DLX4: variants seen among roughly 807,000 people sequenced by gnomAD.
DLX4 encodes distal-less homeobox 4, also known as homeobox protein DLX-4.
A neutral mutation model predicts 17.1 loss-of-function variants in DLX4; 13 were observed. The observed-to-expected ratio is 0.76, with a 90% CI of 0.49 to 1.21. The LOEUF (loss-of-function observed/expected upper bound fraction) is 1.21. Among genes scored for constraint, DLX4 ranks in the 50% most tolerant of loss-of-function variants. The pLI is 0.00. For synonymous variants in DLX4, 129 were observed against 140.3 expected, an observed-to-expected ratio of 0.92 and a Z score of 0.57; for missense variants, 297 against 301.4, an observed-to-expected ratio of 0.99 and a Z score of 0.11.
Position 49,972,680 on chromosome 17 carries a change from G to A in DLX4, c.284-393G>A. 8.5e-7 allele frequency: 1 copy of A among 1,172,798 alleles called. No homozygotes were observed. Among genetic ancestry groups the A allele is most frequent in the Non-Finnish European group, 1.1e-6 (1 of 935,098 alleles). 72.6% of individuals were successfully genotyped at this position (1,172,798 alleles called of 1,614,324 possible). A position where few individuals can be genotyped will look rare whatever the true frequency, so the allele number is the denominator to read the frequency against. On this transcript the variant is annotated intron_variant, in intron 1 of 2. Transcript: ENST00000240306. The surrounding 1 kb of genome is among the most constrained non-coding windows in gnomAD (Gnocchi z 5.4). Reference sequence around the variant, plus strand: ...AATGTCCTTCCTCTGTCATCTCTAGGCCTCGGCTCAGCCCTGGACCTAGCC... The same window carrying A: ...AATGTCCTTCCTCTGTCATCTCTAGACCTCGGCTCAGCCCTGGACCTAGCC...
rs1026152527 is a variant in DLX4, at chr17:49,972,874, C to T, written c.284-199C>T. ...GGAGCAGAACTGCGTCTTGTATCAC[C>T]TGGCGCGGTGAACGTGGGGGTTGAA... is the stretch of plus-strand genomic sequence containing the variant. On this transcript the variant is annotated intron_variant, in intron 1 of 2. Coordinates refer to ENST00000240306, the MANE Select transcript of DLX4 (RefSeq NM_138281.3). This position sits in a 1 kb window ranked among gnomAD's most constrained non-coding sequence, Gnocchi z 5.4. The T allele has an allele frequency of 6.9e-6, 10 of 1,446,928 alleles. No individual in the cohort carries two copies. Among genetic ancestry groups the T allele is most frequent in the Non-Finnish European group, 8.2e-6 (9 of 1,096,778 alleles). 89.6% of individuals were successfully genotyped at this position (1,446,928 alleles called of 1,614,324 possible).
chr17:49,973,521 C>A, intron 2 of DLX4, 180 bp from the exon 3 acceptor site: 1 of 988,928 alleles, frequency 1.0e-6, no homozygotes, highest in Non-Finnish European at 1.5e-6. Context: ...TGGATACTAG[C>A]TCAGAGGCAG....
rs1011311250 is a variant in DLX4, at chr17:49,974,953, C to T, written c.*1010C>T. The T allele has an allele frequency of 3.9e-5, 6 of 152,220 alleles. No homozygotes were observed. Among genetic ancestry groups the T allele is most frequent in the African/African-American group, 1.4e-4 (6 of 41,460 alleles). 9.4% of individuals were successfully genotyped at this position (152,220 alleles called of 1,614,324 possible). ...TCCAGAGATTAAAGTTTGTACAAAA[C>T]ATTGCATTCTGGCTGTGAGATGTGT... On this transcript the variant is annotated 3_prime_UTR_variant, in exon 3 of 3. Coordinates refer to ENST00000240306, the MANE Select transcript of DLX4 (RefSeq NM_138281.3).
At position 49,973,939 on chromosome 17, in the gene DLX4, T is replaced by C; in HGVS notation, c.719T>C (p.Met240Thr). The change falls in exon 3 of 3, where the codon ATG (methionine) becomes ACG (threonine). Residue 240 changes from methionine (M) to threonine (T), a missense_variant. Transcript: ENST00000240306. The stretch of plus-strand genomic sequence containing the variant: ...GATGTCCTGGCTTCGCCTCAGATGA[T>C]GTGAATCTGGGGAAGGGCGGGTCAG... ...SSDVLASPQM[M>T] is the part of the protein sequence containing the mutation. 6.2e-7 allele frequency: 1 copy of C among 1,601,608 alleles called. No individual in the cohort carries two copies. The highest frequency in any genetic ancestry group is 2.3e-5 in the East Asian group (1 of 44,084).
rs1905558081 is a variant in DLX4 at position 49,972,879 on chromosome 17, G to A, written c.284-194G>A. On this transcript the variant is annotated intron_variant, in intron 1 of 2. Transcript: ENST00000240306. The surrounding 1 kb of genome is among the most constrained non-coding windows in gnomAD (Gnocchi z 5.4). ...AGAACTGCGTCTTGTATCACCTGGC[G>A]CGGTGAACGTGGGGGTTGAAACGCT... The A allele has an allele frequency of 6.9e-6, 10 of 1,446,752 alleles. No individual in the cohort carries two copies. The East Asian group carries it at 2.5e-4, about 37-fold the overall frequency. 89.6% of individuals were successfully genotyped at this position (1,446,752 alleles called of 1,614,324 possible).
chr17:49,973,915 A>G lies in DLX4; in HGVS notation c.695A>G (p.Asp232Gly). Residue 232 changes from aspartate (D) to glycine (G), a missense_variant, in exon 3 of 3, where the codon GAT becomes GGT. Asp to Gly is a moderately conservative substitution (Grantham distance 94). Transcript: ENST00000240306. ...FGAWYQHHSS[D>G]VLASPQMM ...GCCTGGTATCAGCATCACTCCTCAGATGTCCTGGCTTCGCCTCAGATGATG... is the reference window on the plus strand; with the variant it reads ...GCCTGGTATCAGCATCACTCCTCAGGTGTCCTGGCTTCGCCTCAGATGATG... 2 of 1,610,274 alleles carry G rather than the reference A, an allele frequency of 1.2e-6. No individual in the cohort carries two copies. The highest frequency in any genetic ancestry group is 1.7e-6 in the Non-Finnish European group (2 of 1,178,292).
At position 49,973,813 on chromosome 17, in the gene DLX4, C is replaced by G. The variant is rs1375181217; in HGVS notation, c.593C>G (p.Ser198Cys). 1 of 1,606,810 alleles carries G rather than the reference C, an allele frequency of 6.2e-7. No individual in the cohort carries two copies. Among genetic ancestry groups the G allele is most frequent in the African/African-American group, 1.3e-5 (1 of 74,774 alleles). ...PGRTFSVSPC[S>C]PPLPSLWDLP... ...AGGACCTTCTCTGTGTCTCCCTGCT[C>G]CCCACCCCTCCCCTCCCTCTGGGAT... Residue 198 changes from serine (S) to cysteine (C), a missense_variant, in exon 3 of 3, where the codon TCC becomes TGC. Physicochemically the swap from Ser to Cys is moderately radical, Grantham distance 112. Transcript: ENST00000240306.
At chr17:49,970,303 C>G (rs1361090822) in intron 1 of DLX4, among the ~76,000 whole-genome samples, 2 of 152,230 alleles carry the variant, frequency 1.3e-5, no homozygotes, top group South Asian at 4.1e-4. Context: ...CTCCTCAGAC[C>G]AGGCCTGACC....
chr17:49,971,963 C>G (rs1056718925), intron 1 of DLX4: 1 of 152,222 alleles, frequency 6.6e-6, no homozygotes, highest in African/African-American at 2.4e-5. Context: ...CGCGGGCGGA[C>G]AGAAGCCGCT....
chr17:49,972,908 C>T lies in DLX4; in HGVS notation c.284-165C>T. 2.1e-6 allele frequency: 3 copies of T among 1,455,888 alleles called. No individual in the cohort carries two copies. Among genetic ancestry groups the T allele is most frequent in the Non-Finnish European group, 2.7e-6 (3 of 1,101,052 alleles). 90.2% of individuals were successfully genotyped at this position (1,455,888 alleles called of 1,614,324 possible). A position where few individuals can be genotyped will look rare whatever the true frequency, so the allele number is the denominator to read the frequency against. On this transcript the variant is annotated intron_variant, in intron 1 of 2. Coordinates refer to ENST00000240306, the MANE Select transcript of DLX4 (RefSeq NM_138281.3). This position sits in a 1 kb window ranked among gnomAD's most constrained non-coding sequence, Gnocchi z 5.4. ...TGAACGTGGGGGTTGAAACGCTCCA[C>T]GCGGAAGGTAGAGGGCAGGGGCCAA...
chr17:49,971,235 A>G (rs1054743139), intron 1 of DLX4, among the ~76,000 whole-genome samples: 3 of 151,984 alleles, frequency 2.0e-5, no homozygotes, highest in Non-Finnish European at 2.9e-5. Context: ...TTCTTTAAGG[A>G]CTTTCCCCCA....
intron 2 of DLX4, chr17:49,973,492 T>C (rs753166489): frequency 3.4e-5 from 32 of 950,866 alleles, no homozygotes; most frequent in African/African-American, 4.9e-5. Flanking sequence ...AAGAGGAGGG[T>C]AGGTCAGACA....
chr17:49,974,793 C>T lies in DLX4; in HGVS notation c.*850C>T, dbSNP rs1246888278. 6.6e-6 allele frequency: 1 copy of T among 152,160 alleles called. No individual in the cohort carries two copies. Among genetic ancestry groups the T allele is most frequent in the Admixed American group, 6.6e-5 (1 of 15,264 alleles). 9.4% of individuals were successfully genotyped at this position (152,160 alleles called of 1,614,324 possible). A position where few individuals can be genotyped will look rare whatever the true frequency, so the allele number is the denominator to read the frequency against. The stretch of plus-strand genomic sequence containing the variant: ...AGGGGGAAATGGGGACAAACTGGCT[C>T]TCTGGATTAGTGCGGGTATAGACAC... On this transcript the variant is annotated 3_prime_UTR_variant, in exon 3 of 3. Transcript: ENST00000240306.
At chr17:49,971,235 A>T (rs1054743139) in intron 1 of DLX4, among the ~76,000 whole-genome samples, 1 of 151,984 alleles carries the variant, frequency 6.6e-6, no homozygotes, top group African/African-American at 2.4e-5. Flanking sequence ...TTCTTTAAGG[A>T]CTTTCCCCCA....
At position 49,974,508 on chromosome 17, in the gene DLX4, C is replaced by G. The variant is rs1460865411; in HGVS notation, c.*565C>G. Reference sequence around the variant, plus strand: ...GTTACCCCCATAACTGATTTACCTACTTACCATACTGGGAGGTAGAAGAGA... The same window carrying G: ...GTTACCCCCATAACTGATTTACCTAGTTACCATACTGGGAGGTAGAAGAGA... On this transcript the variant is annotated 3_prime_UTR_variant, in exon 3 of 3. Transcript: ENST00000240306. 1 of 150,780 alleles carries G rather than the reference C, an allele frequency of 6.6e-6. No individual in the cohort carries two copies. The highest frequency in any genetic ancestry group is 1.5e-5 in the Non-Finnish European group (1 of 67,884). 9.3% of individuals were successfully genotyped at this position (150,780 alleles called of 1,614,324 possible).
upstream of DLX4, among the ~76,000 whole-genome samples, chr17:49,968,598 G>C (rs1336698949): frequency 1.3e-5 from 2 of 152,194 alleles, no homozygotes; most frequent in Non-Finnish European, 2.9e-5. Flanking sequence ...ACGCAGGGCG[G>C]TGGGGTGCAG....
In DLX4 at chr17:49,969,753, T is replaced by A. The variant is rs1363012681; in HGVS notation, c.283+2T>A. 1 of 1,586,942 alleles carries A rather than the reference T, an allele frequency of 6.3e-7. No homozygotes were observed. The highest frequency in any genetic ancestry group is 1.3e-5 in the African/African-American group (1 of 74,342). ...AGCACCCTCAGGAACTCGAGGCAGG[T>A]AAGTTCGGCCGTGGAGGCTCTTCCC... On this transcript the variant is annotated splice_donor_variant, in intron 1 of 2. Coordinates refer to ENST00000240306, the MANE Select transcript of DLX4 (RefSeq NM_138281.3). LOFTEE classifies it high-confidence loss of function.
At position 49,972,639 on chromosome 17, in the gene DLX4, C is replaced by T; in HGVS notation, c.284-434C>T. 1 of 894,156 alleles carries T rather than the reference C, an allele frequency of 1.1e-6. No homozygotes were observed. 55.4% of individuals were successfully genotyped at this position (894,156 alleles called of 1,614,324 possible). A position where few individuals can be genotyped will look rare whatever the true frequency, so the allele number is the denominator to read the frequency against. Reference sequence around the variant, plus strand: ...CCGTCTCAAGCCTCTGAGCATTGCTCTGAGCCTCTGCCTGCAATGTCCTTC... The same window carrying T: ...CCGTCTCAAGCCTCTGAGCATTGCTTTGAGCCTCTGCCTGCAATGTCCTTC... On this transcript the variant is annotated intron_variant, in intron 1 of 2. Transcript: ENST00000240306. This position sits in a 1 kb window ranked among gnomAD's most constrained non-coding sequence, Gnocchi z 5.4.
rs139488744 is a variant in DLX4, at chr17:49,972,943, C to A, written c.284-130C>A. ...AGAGGGCAGGGGCCAAGGGGGCGAT[C>A]CTGGTGGCTGCGCTTTTTGCTATTT... On this transcript the variant is annotated intron_variant, in intron 1 of 2. Coordinates refer to ENST00000240306, the MANE Select transcript of DLX4 (RefSeq NM_138281.3). This position sits in a 1 kb window ranked among gnomAD's most constrained non-coding sequence, Gnocchi z 5.4. 27,984 of 1,506,530 alleles carry A rather than the reference C, an allele frequency of 0.019. 299 individuals carry two copies. The highest frequency in any genetic ancestry group is 0.022 in the Non-Finnish European group (24,834 of 1,125,202). 93.3% of individuals were successfully genotyped at this position (1,506,530 alleles called of 1,614,324 possible). A position where few individuals can be genotyped will look rare whatever the true frequency, so the allele number is the denominator to read the frequency against.
Sources: gnomAD v4.1 joint callset for allele counts (sites outside exome capture counted in the v4.1 genomes callset) on GRCh38, gnomAD v4.1.1 for gene constraint, Gnocchi (gnomAD v3.1) non-coding constraint, MANE v1.5 for transcripts, NCBI Gene and HGNC (gene_info 2026-07-23, HGNC 2026-07-21) for gene names.